Variants in MYO1E observed in about 807,000 individuals in gnomAD.
MYO1E encodes the protein unconventional myosin-Ie.
Under a neutral mutation model 151.1 loss-of-function variants are expected in MYO1E, and 68 were observed. The ratio of observed to expected loss-of-function variants is 0.45; its 90% confidence interval spans 0.37 to 0.55. The LOEUF is 0.55. Ranked by LOEUF, MYO1E falls within the 20% of genes least tolerant of loss-of-function variation. The pLI is 0.00. For missense variants in MYO1E, 1,363 were observed against 1,389.3 expected (o/e 0.98, Z 0.30); for synonymous variants, 601 against 501.7 (o/e 1.20, Z -2.64).
chr15:59,178,372 G>A, intron 19 of MYO1E, 21 bp downstream of exon 19: 2 of 1,613,830 alleles, frequency 1.2e-6, no homozygotes, highest in Non-Finnish European at 1.7e-6. Context: ...GAAGAGAGTG[G>A]AGAGCCAGCC....
At chr15:59,211,130 G>A (rs1455692975) in intron 12 of MYO1E, among the ~76,000 whole-genome samples, 1 of 151,626 alleles carries the variant, frequency 6.6e-6, no homozygotes, top group African/African-American at 2.4e-5. Context: ...AACCCAGAAG[G>A]TGGAGGTTGA....
chr15:59,329,839 A>G lies in MYO1E; in HGVS notation c.3+42659T>C, dbSNP rs145657284. Among the ~76,000 whole-genome samples the G allele has an allele frequency of 7.2e-3, 1,100 of 152,340 alleles. 6 individuals are homozygous for G. The highest frequency in any genetic ancestry group is 0.011 in the Non-Finnish European group (768 of 68,028). ...GGCGGACTGGTATTTCAAACATGAA[A>G]CACTGGAATGCAGATTAATAATTTA... On this transcript the variant is annotated intron_variant, in intron 1 of 27. Transcript: ENST00000288235.
intron 2 of MYO1E, among the ~76,000 whole-genome samples, chr15:59,264,496 T>C (rs1216240248): frequency 6.6e-6 from 1 of 152,234 alleles, no homozygotes; most frequent in Non-Finnish European, 1.5e-5. Context: ...TTTTTAAGTA[T>C]GTTCCAAATA....
intron 4 of MYO1E, among the ~76,000 whole-genome samples, chr15:59,245,145 A>G (rs1223065029): frequency 3.3e-5 from 5 of 152,178 alleles, no homozygotes; most frequent in African/African-American, 1.2e-4. Flanking sequence ...ACCCACAGCA[A>G]CTCAGGAGAG....
chr15:59,216,764 T>C (rs141119435), intron 10 of MYO1E, among the ~76,000 whole-genome samples: 10 of 145,168 alleles, frequency 6.9e-5, no homozygotes, highest in South Asian at 2.3e-4. Context: ...AGTTTCAAAA[T>C]ACATGCAAAA....
At chr15:59,243,351 G>A (rs1000280800) in intron 4 of MYO1E, among the ~76,000 whole-genome samples, 1 of 152,176 alleles carries the variant, frequency 6.6e-6, no homozygotes, top group African/African-American at 2.4e-5. Context: ...TTGGAGGTAC[G>A]ATGTGTTCAT....
chr15:59,299,360 G>C (rs903434455), intron 1 of MYO1E, among the ~76,000 whole-genome samples: 1 of 152,170 alleles, frequency 6.6e-6, no homozygotes. Flanking sequence ...TTACAGGGAT[G>C]GCATTTTTTA....
intron 3 of MYO1E, among the ~76,000 whole-genome samples, chr15:59,260,411 T>C (rs78812968): frequency 0.021 from 3,140 of 152,332 alleles, 110 homozygotes; most frequent in African/African-American, 0.072. Context: ...GCTCTTGCTC[T>C]GGGTAAATTG....
chr15:59,302,031 T>C (rs1484284), intron 1 of MYO1E, among the ~76,000 whole-genome samples: 51,916 of 151,944 alleles, frequency 0.34, 9,653 homozygotes, highest in African/African-American at 0.48. Context: ...TAAAGGTAGG[T>C]TCGTCCCCTG....
intron 1 of MYO1E, among the ~76,000 whole-genome samples, chr15:59,321,242 G>A (rs1002603569): frequency 1.1e-4 from 17 of 152,216 alleles, no homozygotes; most frequent in African/African-American, 4.1e-4. Context: ...GGGAGTGTAA[G>A]TTAGTTCAGT....
At chr15:59,340,625 TCTTA>T (rs151023496) in intron 1 of MYO1E, among the ~76,000 whole-genome samples, 3,793 of 152,310 alleles carry the variant, frequency 0.025, 106 homozygotes, top group African/African-American at 0.064. Flanking sequence ...TCATTACTCC[TCTTA>T]CTATTTTTTA....
chr15:59,311,221 C>T (rs2080549646), intron 1 of MYO1E, among the ~76,000 whole-genome samples: 1 of 152,068 alleles, frequency 6.6e-6, no homozygotes, highest in South Asian at 2.1e-4. Context: ...TTGTGGAAGA[C>T]AATTTTTCCA....
At chr15:59,138,405 C>G (rs1566961742) in intron 26 of MYO1E, 38 bp from the exon 27 acceptor site, 3 of 1,609,578 alleles carry the variant, frequency 1.9e-6, no homozygotes, top group Admixed American at 3.3e-5. Flanking sequence ...TGGGCCCCAA[C>G]AGGGGGCAGC....
At chr15:59,149,569 G>C (rs1210408132) in intron 26 of MYO1E, among the ~76,000 whole-genome samples, 2 of 152,216 alleles carry the variant, frequency 1.3e-5, no homozygotes, top group Non-Finnish European at 2.9e-5. Flanking sequence ...ATCCAGTTGG[G>C]ATGGTAATTA....
chr15:59,304,769 T>C (rs1299319900), intron 1 of MYO1E, among the ~76,000 whole-genome samples: 3 of 152,258 alleles, frequency 2.0e-5, no homozygotes, highest in Non-Finnish European at 4.4e-5. Flanking sequence ...CAAAAGTATT[T>C]ACTGTTGTCA....
At chr15:59,290,910 T>C (rs1023926933) in intron 1 of MYO1E, among the ~76,000 whole-genome samples, 6 of 152,154 alleles carry the variant, frequency 3.9e-5, no homozygotes, top group African/African-American at 7.2e-5. Flanking sequence ...AAAGCAGTAA[T>C]AGTAAAAATC....
intron 10 of MYO1E, among the ~76,000 whole-genome samples, chr15:59,215,721 C>T (rs2079909550): frequency 1.3e-5 from 2 of 152,256 alleles, no homozygotes; most frequent in African/African-American, 2.4e-5. Flanking sequence ...CAGTAAATCC[C>T]ACCTCAAATT....
chr15:59,369,071 T>C (rs780734853), intron 1 of MYO1E, among the ~76,000 whole-genome samples: 17 of 152,236 alleles, frequency 1.1e-4, no homozygotes, highest in Non-Finnish European at 2.4e-4. Flanking sequence ...AGGAGACTAC[T>C]AGCAATCTGA....
At chr15:59,254,157 T>C (rs141480238) in intron 4 of MYO1E, among the ~76,000 whole-genome samples, 38 of 152,194 alleles carry the variant, frequency 2.5e-4, no homozygotes, top group African/African-American at 8.2e-4. Flanking sequence ...ATACTAATTA[T>C]TGAGGAATAA....
Sources: gnomAD v4.1 joint callset for allele counts (sites outside exome capture counted in the v4.1 genomes callset) on GRCh38, gnomAD v4.1.1 for gene constraint, MANE v1.5 for transcripts, NCBI Gene and HGNC (gene_info 2026-07-23, HGNC 2026-07-21) for gene names.